NKAIN2: variants seen among roughly 807,000 people sequenced by gnomAD.
NKAIN2 encodes sodium/potassium transporting ATPase interacting 2.
Under a neutral mutation model 32.6 loss-of-function variants are expected in NKAIN2, and 14 were observed. That is an observed-to-expected ratio of 0.43 (90% CI 0.28 to 0.67). The LOEUF (loss-of-function observed/expected upper bound fraction) is 0.67. Ranked by LOEUF, NKAIN2 falls within the 30% of genes least tolerant of loss-of-function variation. The probability of loss-of-function intolerance (pLI) is 0.17; values close to 1 mark genes in which losing one functional copy is unlikely to be tolerated. For synonymous variants in NKAIN2, 80 were observed against 87.2 expected (o/e 0.92, Z 0.46); for missense variants, 198 against 258.3 (o/e 0.77, Z 1.60).
At chr6:124,403,821 C>A (rs537823017) in intron 3 of NKAIN2, among the ~76,000 whole-genome samples, 33 of 152,250 alleles carry the variant, frequency 2.2e-4, no homozygotes, top group Admixed American at 2.1e-3. Context: ...TTAAACACAT[C>A]CTTTGAATTA....
At chr6:124,305,865 G>T (rs1237099865) in intron 2 of NKAIN2, among the ~76,000 whole-genome samples, 1 of 152,080 alleles carries the variant, frequency 6.6e-6, no homozygotes, top group Non-Finnish European at 1.5e-5. Context: ...TACAAATAAA[G>T]CTCTGCTGTC....
chr6:124,633,117 G>T (rs1484862183), intron 3 of NKAIN2, among the ~76,000 whole-genome samples: 2 of 152,148 alleles, frequency 1.3e-5, no homozygotes, highest in East Asian at 3.9e-4. Context: ...ATTTGGCAAT[G>T]ATTGATAGGG....
intron 1 of NKAIN2, among the ~76,000 whole-genome samples, chr6:123,938,549 T>C (rs1754934480): frequency 7.6e-6 from 1 of 130,774 alleles, no homozygotes; most frequent in South Asian, 2.3e-4. Flanking sequence ...ATATATTATA[T>C]ATTTATATAT....
intron 1 of NKAIN2, among the ~76,000 whole-genome samples, chr6:123,891,913 T>C (rs1022378255): frequency 6.6e-6 from 1 of 152,194 alleles, no homozygotes; most frequent in Non-Finnish European, 1.5e-5. Flanking sequence ...AGCAGGGCTC[T>C]GATAAACTAC....
At chr6:124,577,695 G>C (rs1781382348) in intron 3 of NKAIN2, among the ~76,000 whole-genome samples, 1 of 151,948 alleles carries the variant, frequency 6.6e-6, no homozygotes, top group South Asian at 2.1e-4. Flanking sequence ...AGTGGATTTA[G>C]GGGTATGCAA....
At chr6:124,526,400 T>A (rs1256538537) in intron 3 of NKAIN2, among the ~76,000 whole-genome samples, 1 of 152,074 alleles carries the variant, frequency 6.6e-6, no homozygotes, top group Non-Finnish European at 1.5e-5. Context: ...ATGTACTGGG[T>A]AAATTGAAGC....
intron 1 of NKAIN2, among the ~76,000 whole-genome samples, chr6:124,228,325 A>G (rs1049793463): frequency 2.0e-5 from 3 of 152,176 alleles, no homozygotes; most frequent in African/African-American, 7.2e-5. Context: ...ATGAGTATAC[A>G]ACAAGAAGTC....
rs578127928 is a variant in NKAIN2, at chr6:124,243,157, C to T, written c.55-39848C>T. 9.9e-5 allele frequency among the ~76,000 whole-genome samples: 15 copies of T among 151,824 alleles called. No individual in the cohort carries two copies. In the South Asian group the frequency reaches 2.5e-3, roughly 25 times the overall value. ...ACAGAAGTAGGTTTCAAAACAATCA[C>T]GACATGTTCTGAAACAGGAGGTAAA... is the stretch of plus-strand genomic sequence containing the variant. On this transcript the variant is annotated intron_variant, in intron 1 of 6. Transcript: ENST00000368417.
intron 1 of NKAIN2, among the ~76,000 whole-genome samples, chr6:123,882,707 T>A (rs1472511156): frequency 6.6e-6 from 1 of 152,218 alleles, no homozygotes; most frequent in Non-Finnish European, 1.5e-5. Context: ...ATTTGATAAC[T>A]GGAATTTTAC....
chr6:124,744,785 G>A (rs1777377449), intron 4 of NKAIN2, among the ~76,000 whole-genome samples: 1 of 151,866 alleles, frequency 6.6e-6, no homozygotes, highest in Admixed American at 6.6e-5. Flanking sequence ...TAGCAGAGAT[G>A]TATTTCAACA....
intron 5 of NKAIN2, 145 bp downstream of exon 5, chr6:124,791,544 G>T (rs1469998340): frequency 4.1e-6 from 2 of 492,322 alleles, no homozygotes; most frequent in Non-Finnish European, 7.4e-6. Context: ...TCAGACTAAA[G>T]TGTTTCTCAT....
intron 2 of NKAIN2, among the ~76,000 whole-genome samples, chr6:124,303,162 A>C (rs2114981418): frequency 6.6e-6 from 1 of 152,362 alleles, no homozygotes; most frequent in East Asian, 1.9e-4. Flanking sequence ...TGTGAAGATT[A>C]CAGACAACCA....
chr6:124,509,499 A>G (rs1373999937), intron 3 of NKAIN2, among the ~76,000 whole-genome samples: 2 of 152,158 alleles, frequency 1.3e-5, no homozygotes, highest in African/African-American at 4.8e-5. Context: ...CCTGCAGTTT[A>G]TCTTGCTAGT....
chr6:124,336,094 AAGAAAAGCAAAATGAAAC>A (rs77184451), intron 2 of NKAIN2, among the ~76,000 whole-genome samples: 3,361 of 152,308 alleles, frequency 0.022, 74 homozygotes, highest in Non-Finnish European at 0.032. Context: ...TTACATATTA[AAGAAAAGCAAAATGAAAC>A]AGAAAAGCAA....
chr6:124,696,272 G>C (rs1298927540), intron 4 of NKAIN2, among the ~76,000 whole-genome samples: 2 of 152,116 alleles, frequency 1.3e-5, no homozygotes, highest in African/African-American at 4.8e-5. Context: ...TGTGAAGTGG[G>C]AGACAGGAGG....
intron 2 of NKAIN2, among the ~76,000 whole-genome samples, chr6:124,352,488 G>T (rs1458488306): frequency 2.0e-5 from 3 of 152,144 alleles, no homozygotes; most frequent in Non-Finnish European, 2.9e-5. Flanking sequence ...AAAAGCTTCA[G>T]CATTGACATT....
intron 3 of NKAIN2, among the ~76,000 whole-genome samples, chr6:124,459,825 A>G (rs1026546618): frequency 6.6e-6 from 1 of 151,800 alleles, no homozygotes; most frequent in Non-Finnish European, 1.5e-5. Context: ...TTATTTTATT[A>G]GTATTTTGAA....
At chr6:124,043,112 AT>A (rs1271291607) in intron 1 of NKAIN2, among the ~76,000 whole-genome samples, 1 of 151,984 alleles carries the variant, frequency 6.6e-6, no homozygotes, top group Non-Finnish European at 1.5e-5. Flanking sequence ...AATCCCAGCA[AT>A]TTGGGAGGCC....
At chr6:124,657,364 T>C (rs895036484) in intron 3 of NKAIN2, among the ~76,000 whole-genome samples, 1 of 152,208 alleles carries the variant, frequency 6.6e-6, no homozygotes, top group Non-Finnish European at 1.5e-5. Flanking sequence ...TTAGCCGTTC[T>C]TTCCCTGGAA....
Sources: gnomAD v4.1 joint callset for allele counts (sites outside exome capture counted in the v4.1 genomes callset) on GRCh38, gnomAD v4.1.1 for gene constraint, MANE v1.5 for transcripts, NCBI Gene and HGNC (gene_info 2026-07-23, HGNC 2026-07-21) for gene names.